MTMR8: variants seen among roughly 807,000 people sequenced by gnomAD.
The protein encoded by MTMR8 is myotubularin related protein 8.
Under a neutral mutation model 39.3 loss-of-function variants are expected in MTMR8, and 65 were observed. That is an observed-to-expected ratio of 1.65 (90% CI 1.35 to 2.03). The LOEUF (loss-of-function observed/expected upper bound fraction) is 2.03, where lower values mean the gene tolerates loss of function less well. MTMR8 is among the 30% of genes most tolerant of loss of function. The pLI, the probability that MTMR8 is intolerant of heterozygous loss-of-function variation, is 0.00. For synonymous variants in MTMR8, 245 were observed against 185.2 expected (o/e 1.32, Z -2.62); for missense variants, 777 against 538.9 (o/e 1.44, Z -4.37).
chrX:64,275,592 G>T (rs1443529487), intron 12 of MTMR8, among the ~76,000 whole-genome samples: 1 of 103,983 alleles, frequency 9.6e-6, no homozygotes, highest in Non-Finnish European at 2.0e-5. Flanking sequence ...GCTAGGTTTG[G>T]AGGACTGCTT....
intron 7 of MTMR8, among the ~76,000 whole-genome samples, chrX:64,344,274 G>T (rs1171297376): frequency 1.8e-5 from 2 of 111,968 alleles, no homozygotes; most frequent in East Asian, 5.6e-4. Flanking sequence ...AGGAGTAAGA[G>T]ACCTAAGGAA....
At chrX:64,366,979 C>T (rs765294658) in intron 1 of MTMR8, among the ~76,000 whole-genome samples, 1 of 111,810 alleles carries the variant, frequency 8.9e-6, no homozygotes, top group South Asian at 3.8e-4. Flanking sequence ...ACTATAAACA[C>T]CTCTACACAA....
At chrX:64,375,047 C>CAAAA (rs34716248) in intron 1 of MTMR8, among the ~76,000 whole-genome samples, 2 of 55,996 alleles carry the variant, frequency 3.6e-5, no homozygotes, top group Non-Finnish European at 7.4e-5. Flanking sequence ...TTGTTTTAAG[C>CAAAA]AAAAAAAAAA....
chrX:64,299,415 T>A (rs1186992234), intron 12 of MTMR8, among the ~76,000 whole-genome samples: 1 of 107,909 alleles, frequency 9.3e-6, no homozygotes, highest in Non-Finnish European at 1.9e-5. Flanking sequence ...TCTGTGGGAT[T>A]GGTGGTGATA....
intron 1 of MTMR8, among the ~76,000 whole-genome samples, chrX:64,384,041 C>T (rs6524880): frequency 0.14 from 15,511 of 111,598 alleles, 2,549 homozygotes; most frequent in African/African-American, 0.47. Context: ...GGGTTATAAG[C>T]ATTGGGTAAA....
At chrX:64,289,022 A>T (rs976113564) in intron 12 of MTMR8, among the ~76,000 whole-genome samples, 18 of 109,573 alleles carry the variant, frequency 1.6e-4, no homozygotes, top group East Asian at 5.6e-4. Flanking sequence ...TATAATAAAA[A>T]ATATATATAT....
At chrX:64,300,572 T>C (rs1366717049) in intron 12 of MTMR8, among the ~76,000 whole-genome samples, 16 of 106,008 alleles carry the variant, frequency 1.5e-4, no homozygotes, top group African/African-American at 4.5e-4. Flanking sequence ...TTTAGTCCAT[T>C]TACATTTAAA....
chrX:64,386,162 G>A (rs766979790), intron 1 of MTMR8, among the ~76,000 whole-genome samples: 5 of 111,143 alleles, frequency 4.5e-5, no homozygotes, highest in African/African-American at 6.5e-5. Context: ...TCTGTTTTCC[G>A]GTTCCCACCT....
In MTMR8 at chrX:64,315,232, G is replaced by A. The variant is rs372409971; in HGVS notation, c.1481+13540C>T. On this transcript the variant is annotated intron_variant, in intron 12 of 13. Coordinates refer to ENST00000374852, the MANE Select transcript of MTMR8 (RefSeq NM_017677.4). ...TCCTGCCAGGATTCCAGAGGCCCAT[G>A]GCAAGAGAGGGTTGCTCCTTGCCAG... 2.5e-3 allele frequency among the ~76,000 whole-genome samples: 277 copies of A among 111,936 alleles called. 1 individual carries two copies. The highest frequency in any genetic ancestry group is 0.01 in the South Asian group (28 of 2,670).
chrX:64,310,656 T>A (rs368409136), intron 12 of MTMR8, among the ~76,000 whole-genome samples: 1 of 108,448 alleles, frequency 9.2e-6, no homozygotes, highest in African/African-American at 3.4e-5. Context: ...CCCTAGCCCC[T>A]CACCCCCCAA....
At chrX:64,282,385 T>C (rs111402955) in intron 12 of MTMR8, among the ~76,000 whole-genome samples, 1,247 of 110,812 alleles carry the variant, frequency 0.011, 18 homozygotes, top group African/African-American at 0.04. Flanking sequence ...AGGGAGAGCA[T>C]CATGTGGGGC....
In MTMR8 at chrX:64,356,199, G is replaced by C. The variant is rs781575160; in HGVS notation, c.287C>G (p.Ser96Ter). The part of the protein sequence containing the change: ...SDLVCHEVYI[S>*]LLKLSQPALP... ...ACCTGGCTGAGAAAGCTTGAGCAGT[G>C]AAATATAAACCTCATGGCACACAAG... Residue 96 changes from serine to a stop codon, truncating the protein, a stop_gained, in exon 3 of 14, where the codon TCA becomes TGA. Transcript: ENST00000374852. LOFTEE classifies it high-confidence loss of function. The C allele has an allele frequency of 1.8e-5, 22 of 1,207,253 alleles. No homozygotes were observed. The highest frequency in any genetic ancestry group is 2.4e-5 in the Non-Finnish European group (21 of 893,445).
chrX:64,337,167 A>C, intron 9 of MTMR8, 101 bp downstream of exon 9: 2 of 910,855 alleles, frequency 2.2e-6, no homozygotes, highest in Non-Finnish European at 3.0e-6. Context: ...TTGTAGACTT[A>C]GAGCTAACTC....
intron 3 of MTMR8, among the ~76,000 whole-genome samples, chrX:64,355,159 G>A (rs5964770): frequency 0.24 from 26,535 of 111,016 alleles, 7,568 homozygotes; most frequent in African/African-American, 0.82. Flanking sequence ...TTATCAATAC[G>A]AAGTGGGATC....
intron 12 of MTMR8, among the ~76,000 whole-genome samples, chrX:64,321,291 C>T (rs1187894976): frequency 1.8e-5 from 2 of 111,846 alleles, no homozygotes; most frequent in African/African-American, 6.5e-5. Context: ...TTTAAATATG[C>T]TCAAACAGCT....
At chrX:64,373,923 A>G (rs1470422775) in intron 1 of MTMR8, among the ~76,000 whole-genome samples, 2 of 111,632 alleles carry the variant, frequency 1.8e-5, no homozygotes, top group African/African-American at 6.5e-5. Context: ...AAAAAAGCCA[A>G]ATGGACTCAG....
chrX:64,340,106 G>A (rs1310625911), intron 8 of MTMR8, among the ~76,000 whole-genome samples: 1 of 111,667 alleles, frequency 9.0e-6, no homozygotes, highest in Non-Finnish European at 1.9e-5. Flanking sequence ...ACCGTGGCTA[G>A]CAGGGCAGGT....
rs1923444937 is a variant in MTMR8 at position 64,349,973 on chromosome X, G to A, written c.566C>T (p.Pro189Leu). ...CTCTTTGTAGAGGTAGGAGAGCACA[G>A]GGACACGTTCTTTACTTCTGAACTT... ...SSKFRSKERV[P>L]VLSYLYKENN... The change falls in exon 5 of 14, where the codon CCT becomes CTT. Residue 189 changes from proline to leucine, a missense_variant. Transcript: ENST00000374852. 8.4e-7 allele frequency: 1 copy of A among 1,194,210 alleles called. No homozygotes were observed. Among genetic ancestry groups the A allele is most frequent in the East Asian group, 3.0e-5 (1 of 33,259 alleles).
chrX:64,311,676 G>T (rs936989521), intron 12 of MTMR8, among the ~76,000 whole-genome samples: 1 of 110,540 alleles, frequency 9.0e-6, no homozygotes, highest in Non-Finnish European at 1.9e-5. Flanking sequence ...TTTGTATAAG[G>T]TGTAAGGAAG....
Sources: allele counts gnomAD v4.1 joint callset (sites outside exome capture counted in the v4.1 genomes callset), GRCh38; gene constraint gnomAD v4.1.1; transcripts MANE v1.5; gene names NCBI Gene and HGNC (gene_info 2026-07-23, HGNC 2026-07-21).